The following PDSS2 variants were observed in gnomAD, a reference collection of about 807,000 sequenced individuals.
PDSS2 encodes decaprenyl diphosphate synthase subunit 2, also known as all trans-polyprenyl-diphosphate synthase PDSS2.
In PDSS2, 31 loss-of-function variants were observed where a neutral mutation model predicts 44.5. The observed-to-expected ratio is 0.70, with a 90% CI of 0.52 to 0.94. The LOEUF (loss-of-function observed/expected upper bound fraction) is 0.94. Ranked by LOEUF, PDSS2 falls within the 40% of genes least tolerant of loss-of-function variation. The pLI, the probability that PDSS2 is intolerant of heterozygous loss-of-function variation, is 0.00. For missense variants in PDSS2, 452 were observed against 482.2 expected, an observed-to-expected ratio of 0.94 and a Z score of 0.59; for synonymous variants, 157 against 180.3, an observed-to-expected ratio of 0.87 and a Z score of 1.03.
chr6:107,177,729 T>C (rs1771843242), intron 7 of PDSS2, among the ~76,000 whole-genome samples: 1 of 152,196 alleles, frequency 6.6e-6, no homozygotes, highest in Admixed American at 6.5e-5. Context: ...TAGCAAACTC[T>C]GTAATAGAAA....
chr6:107,320,699 G>T (rs1167258718), intron 2 of PDSS2, among the ~76,000 whole-genome samples: 6 of 152,062 alleles, frequency 3.9e-5, no homozygotes, highest in African/African-American at 1.4e-4. Context: ...AAATTATATA[G>T]AGCCCCACCA....
chr6:107,262,628 T>G (rs1259952163), intron 3 of PDSS2, among the ~76,000 whole-genome samples: 2 of 151,988 alleles, frequency 1.3e-5, no homozygotes, highest in Non-Finnish European at 2.9e-5. Context: ...AAAAATTAGC[T>G]GGGCATGGTG....
At chr6:107,443,287 G>A (rs1021154332) in intron 1 of PDSS2, among the ~76,000 whole-genome samples, 19 of 152,164 alleles carry the variant, frequency 1.2e-4, no homozygotes, top group African/African-American at 4.3e-4. Context: ...GGTCTGTCTA[G>A]TACTTAACCT....
At chr6:107,282,152 C>T (rs2003584) in intron 2 of PDSS2, among the ~76,000 whole-genome samples, 2 of 152,138 alleles carry the variant, frequency 1.3e-5, no homozygotes, top group African/African-American at 2.4e-5. Context: ...GTGATCCACC[C>T]GCCTTGGCCT....
At chr6:107,425,007 C>T (rs561558743) in intron 1 of PDSS2, among the ~76,000 whole-genome samples, 21 of 152,244 alleles carry the variant, frequency 1.4e-4, no homozygotes, top group African/African-American at 4.6e-4. Context: ...ATGAATCTCA[C>T]GAGATCTGAT....
intron 1 of PDSS2, among the ~76,000 whole-genome samples, chr6:107,368,864 C>A (rs1374643381): frequency 6.6e-6 from 1 of 152,130 alleles, no homozygotes; most frequent in African/African-American, 2.4e-5. Flanking sequence ...GAATAGGCAA[C>A]ACTACCTTGA....
chr6:107,442,175 G>C (rs1222296034), intron 1 of PDSS2, among the ~76,000 whole-genome samples: 1 of 152,180 alleles, frequency 6.6e-6, no homozygotes, highest in African/African-American at 2.4e-5. Flanking sequence ...CCAACACTTT[G>C]GGAGGCCAAA....
At chr6:107,290,374 C>T (rs760963482) in intron 2 of PDSS2, among the ~76,000 whole-genome samples, 6 of 152,074 alleles carry the variant, frequency 3.9e-5, no homozygotes, top group African/African-American at 1.4e-4. Flanking sequence ...AGTGGTAAAA[C>T]GGTAGCAGAA....
intron 2 of PDSS2, among the ~76,000 whole-genome samples, chr6:107,276,628 A>C (rs1562428483): frequency 6.6e-6 from 1 of 152,204 alleles, no homozygotes; most frequent in African/African-American, 2.4e-5. Flanking sequence ...CCAGAGGGCA[A>C]ACTGTGGCAG....
chr6:107,416,226 T>A (rs922779359), intron 1 of PDSS2, among the ~76,000 whole-genome samples: 13 of 151,968 alleles, frequency 8.6e-5, no homozygotes, highest in African/African-American at 3.1e-4. Flanking sequence ...AGGAAAAAAA[T>A]TTGTAAGCAC....
At chr6:107,158,140 A>C (rs1299766272) in intron 7 of PDSS2, among the ~76,000 whole-genome samples, 1 of 151,942 alleles carries the variant, frequency 6.6e-6, no homozygotes, top group African/African-American at 2.4e-5. Context: ...ACTCAAGATC[A>C]CAGATGGAGG....
At chr6:107,253,657 T>C (rs1034497844) in intron 3 of PDSS2, among the ~76,000 whole-genome samples, 2 of 152,118 alleles carry the variant, frequency 1.3e-5, no homozygotes, top group African/African-American at 4.8e-5. Flanking sequence ...TATATACATT[T>C]TTAATTCACA....
At chr6:107,297,563 G>A (rs956974910) in intron 2 of PDSS2, among the ~76,000 whole-genome samples, 2 of 151,610 alleles carry the variant, frequency 1.3e-5, no homozygotes, top group Non-Finnish European at 2.9e-5. Context: ...TTGTATTTTA[G>A]TAGAGACTGG....
At chr6:107,291,785 G>C (rs997775121) in intron 2 of PDSS2, among the ~76,000 whole-genome samples, 13 of 151,982 alleles carry the variant, frequency 8.6e-5, no homozygotes, top group Non-Finnish European at 1.8e-4. Context: ...GGCCAAGGTG[G>C]GAGGACTGTT....
At chr6:107,330,533 C>T (rs1777680601) in intron 2 of PDSS2, among the ~76,000 whole-genome samples, 1 of 151,912 alleles carries the variant, frequency 6.6e-6, no homozygotes, top group African/African-American at 2.4e-5. Flanking sequence ...GAACCATCAG[C>T]CAAAATATTC....
intron 7 of PDSS2, among the ~76,000 whole-genome samples, chr6:107,185,935 T>C (rs1410884158): frequency 1.3e-5 from 2 of 152,204 alleles, no homozygotes; most frequent in African/African-American, 4.8e-5. Flanking sequence ...GCAAAAGTGT[T>C]AGCTTCCTGG....
intron 3 of PDSS2, among the ~76,000 whole-genome samples, chr6:107,250,575 T>G (rs1434002609): frequency 6.6e-6 from 1 of 152,126 alleles, no homozygotes; most frequent in African/African-American, 2.4e-5. Context: ...AAGCATACCT[T>G]GTTTATAGTC....
chr6:107,392,052 A>C (rs1779801512), intron 1 of PDSS2, among the ~76,000 whole-genome samples: 1 of 152,174 alleles, frequency 6.6e-6, no homozygotes, highest in Admixed American at 6.5e-5. Context: ...TATAAAAAAA[A>C]CAACTATTAA....
intron 7 of PDSS2, among the ~76,000 whole-genome samples, chr6:107,162,610 A>ATTAT (rs538667161): frequency 1.7e-5 from 2 of 115,552 alleles, no homozygotes; most frequent in African/African-American, 7.0e-5. Context: ...GAATTCCCTA[A>ATTAT]TTTTTTTTTT....
Sources: gnomAD v4.1 joint callset for allele counts (sites outside exome capture counted in the v4.1 genomes callset) on GRCh38, gnomAD v4.1.1 for gene constraint, MANE v1.5 for transcripts, NCBI Gene and HGNC (gene_info 2026-07-23, HGNC 2026-07-21) for gene names.